The following ARID5B variants were observed in gnomAD, a reference collection of about 807,000 sequenced individuals.
ARID5B encodes AT-rich interactive domain-containing protein 5B.
In ARID5B, 13 loss-of-function variants were observed where a neutral mutation model predicts 97.2. The ratio of observed to expected loss-of-function variants is 0.13; its 90% CI spans 0.09 to 0.21. The LOEUF (loss-of-function observed/expected upper bound fraction) is 0.21. Among genes scored for constraint, ARID5B ranks in the 10% least tolerant of loss-of-function variants. The pLI is 1.00. For missense variants in ARID5B, 1,210 were observed against 1,465.3 expected, an observed-to-expected ratio of 0.83 and a Z score of 2.84; for synonymous variants, 556 against 570.3, an observed-to-expected ratio of 0.97 and a Z score of 0.36.
chr10:61,921,735 G>A (rs1202339580), intron 2 of ARID5B, among the ~76,000 whole-genome samples: 1 of 152,190 alleles, frequency 6.6e-6, no homozygotes, highest in East Asian at 1.9e-4. Context: ...TATTACAGCT[G>A]GCAACAGAGC....
chr10:61,924,433 C>G (rs1010879275), intron 2 of ARID5B, among the ~76,000 whole-genome samples: 1 of 152,214 alleles, frequency 6.6e-6, no homozygotes, highest in Non-Finnish European at 1.5e-5. Context: ...GAGCATATCA[C>G]TAGTCTAGGA....
At chr10:62,008,304 T>C (rs16916900) in intron 4 of ARID5B, among the ~76,000 whole-genome samples, 7,513 of 152,222 alleles carry the variant, frequency 0.049, 301 homozygotes, top group African/African-American at 0.12. Context: ...CAACATTTCA[T>C]GGCCAGCAAT....
intron 2 of ARID5B, among the ~76,000 whole-genome samples, chr10:61,927,603 T>C (rs995862960): frequency 3.3e-5 from 5 of 152,198 alleles, no homozygotes; most frequent in African/African-American, 1.2e-4. Flanking sequence ...ATATTTGCAA[T>C]TGAGGTGTTT....
chr10:62,024,207 G>A (rs1369630642), intron 4 of ARID5B, among the ~76,000 whole-genome samples: 1 of 152,176 alleles, frequency 6.6e-6, no homozygotes, highest in Non-Finnish European at 1.5e-5. Flanking sequence ...AAATCGACAT[G>A]ACTCATCTGC....
At chr10:62,064,737 A>G (rs1489066391) in intron 7 of ARID5B, among the ~76,000 whole-genome samples, 2 of 134,462 alleles carry the variant, frequency 1.5e-5, no homozygotes, top group South Asian at 4.8e-4. Flanking sequence ...TGGGTTCTAA[A>G]GACAATTTAT....
At chr10:61,936,797 C>T (rs1382617684) in intron 2 of ARID5B, among the ~76,000 whole-genome samples, 1 of 132,932 alleles carries the variant, frequency 7.5e-6, no homozygotes, top group Non-Finnish European at 1.6e-5. Flanking sequence ...TACTGCTGGA[C>T]AAGGCAGACA....
intron 2 of ARID5B, among the ~76,000 whole-genome samples, chr10:61,914,247 G>A (rs1044442679): frequency 6.6e-6 from 1 of 152,200 alleles, no homozygotes; most frequent in South Asian, 2.1e-4. Flanking sequence ...AAATGGAATT[G>A]GTACTTATGC....
intron 3 of ARID5B, among the ~76,000 whole-genome samples, chr10:61,994,794 A>ATGATACAAGCACAGAATT (rs6143946): frequency 6.6e-6 from 1 of 152,012 alleles, no homozygotes; most frequent in South Asian, 2.1e-4. Context: ...ACGTGTAATT[A>ATGATACAAGCACAGAATT]AGAGTCATTT....
In ARID5B at chr10:62,000,353, C is replaced by A; in HGVS notation, c.733+32C>A. On this transcript the variant is annotated intron_variant, in intron 4 of 9. Coordinates refer to ENST00000279873, the MANE Select transcript of ARID5B (RefSeq NM_032199.3). The surrounding 1 kb of genome is among the most constrained non-coding windows in gnomAD (Gnocchi z 4.4). Reference sequence around the variant, plus strand: ...CTTTTTTTTTTTTTCCTACCTGATTCTTGTGCGTGTGTGCCTAGTTGTTTT... The same window carrying A: ...CTTTTTTTTTTTTTCCTACCTGATTATTGTGCGTGTGTGCCTAGTTGTTTT... The A allele has an allele frequency of 6.5e-7, 1 of 1,530,354 alleles. No individual in the cohort carries two copies. Among genetic ancestry groups the A allele is most frequent in the African/African-American group, 1.4e-5 (1 of 71,866 alleles). The allele number at this position is 1,530,354 out of a possible 1,614,324, so 94.8% of individuals were successfully genotyped here. A position where few individuals can be genotyped will look rare whatever the true frequency, so the allele number is the denominator to read the frequency against.
At chr10:61,916,048 G>A (rs1843897725) in intron 2 of ARID5B, among the ~76,000 whole-genome samples, 1 of 151,428 alleles carries the variant, frequency 6.6e-6, no homozygotes, top group African/African-American at 2.4e-5. Context: ...GAGCCACCGT[G>A]TCTAGCCTTG....
At chr10:62,069,273 C>T (rs1303959535) in intron 7 of ARID5B, among the ~76,000 whole-genome samples, 1 of 152,124 alleles carries the variant, frequency 6.6e-6, no homozygotes, top group African/African-American at 2.4e-5. Context: ...ACCTCTATAC[C>T]CGGTTCCCCA....
intron 3 of ARID5B, among the ~76,000 whole-genome samples, chr10:61,970,114 T>C (rs767891516): frequency 6.6e-6 from 1 of 152,214 alleles, no homozygotes; most frequent in Non-Finnish European, 1.5e-5. Flanking sequence ...TTGAAATACT[T>C]GAAAACATAA....
At chr10:62,068,687 A>G (rs1260026224) in intron 7 of ARID5B, among the ~76,000 whole-genome samples, 2 of 152,064 alleles carry the variant, frequency 1.3e-5, no homozygotes, top group Admixed American at 6.6e-5. Context: ...CAAATAACAG[A>G]GTTTTCCCGT....
intron 2 of ARID5B, among the ~76,000 whole-genome samples, chr10:61,921,059 T>A (rs184298564): frequency 1.1e-4 from 16 of 151,664 alleles, no homozygotes; most frequent in Admixed American, 9.9e-4. Context: ...TGCAGAAAAT[T>A]ATCTAATTTC....
intron 4 of ARID5B, among the ~76,000 whole-genome samples, chr10:62,047,415 A>T (rs1421822265): frequency 6.6e-6 from 1 of 152,238 alleles, no homozygotes; most frequent in Non-Finnish European, 1.5e-5. Context: ...CACACGTAAA[A>T]GTAACAGTAC....
intron 2 of ARID5B, among the ~76,000 whole-genome samples, chr10:61,921,908 C>T (rs932987054): frequency 1.3e-5 from 2 of 151,872 alleles, no homozygotes; most frequent in African/African-American, 4.8e-5. Flanking sequence ...GTAGTGTGAC[C>T]ACGGCTCACT....
At chr10:62,071,484 A>T (rs1200128531) in intron 8 of ARID5B, among the ~76,000 whole-genome samples, 1 of 152,064 alleles carries the variant, frequency 6.6e-6, no homozygotes, top group Non-Finnish European at 1.5e-5. Context: ...AAAGGAGTGT[A>T]TCTCAGCTGT....
chr10:61,997,472 G>A (rs1410175040), intron 3 of ARID5B, among the ~76,000 whole-genome samples: 1 of 152,126 alleles, frequency 6.6e-6, no homozygotes, highest in African/African-American at 2.4e-5. Context: ...AACTTACTCT[G>A]AAGCAACTGT....
intron 8 of ARID5B, among the ~76,000 whole-genome samples, chr10:62,076,923 G>A (rs1254874688): frequency 6.6e-6 from 1 of 152,072 alleles, no homozygotes; most frequent in Non-Finnish European, 1.5e-5. Flanking sequence ...CCCCTATTGG[G>A]CTTACCTCTG....
Sources: gnomAD v4.1 joint callset for allele counts (sites outside exome capture counted in the v4.1 genomes callset) on GRCh38, gnomAD v4.1.1 for gene constraint, Gnocchi (gnomAD v3.1) non-coding constraint, MANE v1.5 for transcripts, NCBI Gene and HGNC (gene_info 2026-07-23, HGNC 2026-07-21) for gene names.